Variants in CTNNA3 observed in about 807,000 individuals in gnomAD.
The protein encoded by CTNNA3 is catenin alpha-3.
Under a neutral mutation model 95.7 loss-of-function variants are expected in CTNNA3, and 76 were observed. The ratio of observed to expected loss-of-function variants is 0.79; its 90% CI spans 0.66 to 0.96. CTNNA3 has a LOEUF of 0.96. Ranked by LOEUF, CTNNA3 falls within the 40% of genes least tolerant of loss-of-function variation. CTNNA3 has a pLI of 0.00. For missense variants in CTNNA3, 1,191 were observed against 1,089.8 expected (o/e 1.09, Z -1.31); for synonymous variants, 431 against 374.4 (o/e 1.15, Z -1.74).
chr10:67,264,758 G>A (rs922609096), intron 5 of CTNNA3, among the ~76,000 whole-genome samples: 6 of 152,016 alleles, frequency 3.9e-5, no homozygotes, highest in African/African-American at 9.7e-5. Context: ...TTCACCCTCC[G>A]AAAAATTGAC....
intron 3 of CTNNA3, among the ~76,000 whole-genome samples, chr10:67,595,258 G>T (rs1842905213): frequency 1.3e-5 from 2 of 152,034 alleles, no homozygotes; most frequent in South Asian, 4.1e-4. Flanking sequence ...CTGCCTTTTT[G>T]ATGTGGGCAT....
At chr10:67,487,730 G>A (rs1465946776) in intron 5 of CTNNA3, among the ~76,000 whole-genome samples, 1 of 152,148 alleles carries the variant, frequency 6.6e-6, no homozygotes, top group Non-Finnish European at 1.5e-5. Context: ...CCAGCAGGTT[G>A]TCCCATTCCT....
At chr10:67,591,425 T>C (rs887937654) in intron 3 of CTNNA3, among the ~76,000 whole-genome samples, 2 of 152,056 alleles carry the variant, frequency 1.3e-5, no homozygotes, top group African/African-American at 2.4e-5. Context: ...AAATTAGATA[T>C]GGATATTAAG....
intron 2 of CTNNA3, among the ~76,000 whole-genome samples, chr10:67,621,830 A>C (rs1483002278): frequency 6.6e-6 from 1 of 152,088 alleles, no homozygotes; most frequent in African/African-American, 2.4e-5. Flanking sequence ...ACCATTTTAC[A>C]TCGTAGGAGC....
At chr10:67,135,398 G>A (rs1294054915) in intron 7 of CTNNA3, among the ~76,000 whole-genome samples, 2 of 152,166 alleles carry the variant, frequency 1.3e-5, no homozygotes, top group Non-Finnish European at 1.5e-5. Context: ...ATACAGGTAA[G>A]TCACAATGGC....
intron 13 of CTNNA3, among the ~76,000 whole-genome samples, chr10:66,109,866 CAA>C (rs201092050): frequency 1.4e-5 from 2 of 140,788 alleles, no homozygotes; most frequent in African/African-American, 2.5e-5. Flanking sequence ...ACTTAAAGTA[CAA>C]AAAAAAAAAA....
At chr10:67,230,793 C>G (rs75093391) in intron 5 of CTNNA3, among the ~76,000 whole-genome samples, 3 of 152,190 alleles carry the variant, frequency 2.0e-5, no homozygotes, top group East Asian at 1.9e-4. Context: ...ATACCAGACA[C>G]TGGGCGCAGG....
chr10:66,040,672 TGAG>T (rs969008487), intron 15 of CTNNA3, among the ~76,000 whole-genome samples: 3 of 152,014 alleles, frequency 2.0e-5, no homozygotes, highest in African/African-American at 4.8e-5. Flanking sequence ...GGAAGTTAAA[TGAG>T]GAGAACACAT....
At chr10:67,559,731 A>C (rs1447494398) in intron 3 of CTNNA3, among the ~76,000 whole-genome samples, 5 of 152,170 alleles carry the variant, frequency 3.3e-5, no homozygotes, top group African/African-American at 9.7e-5. Flanking sequence ...AGAAGTTAAA[A>C]ACTTTGAAAA....
intron 7 of CTNNA3, among the ~76,000 whole-genome samples, chr10:67,048,155 T>C (rs1854865126): frequency 6.6e-6 from 1 of 152,124 alleles, no homozygotes; most frequent in Non-Finnish European, 1.5e-5. Context: ...CTACCTCTGT[T>C]CATCCCCTGC....
chr10:66,946,147 T>C (rs1848263439), intron 7 of CTNNA3, among the ~76,000 whole-genome samples: 1 of 152,150 alleles, frequency 6.6e-6, no homozygotes, highest in African/African-American at 2.4e-5. Context: ...AATCATAATA[T>C]CTGCAAAGTG....
At chr10:66,408,719 T>A (rs573831941) in intron 11 of CTNNA3, among the ~76,000 whole-genome samples, 2 of 152,298 alleles carry the variant, frequency 1.3e-5, no homozygotes, top group African/African-American at 4.8e-5. Context: ...ATTAAAGAAA[T>A]TCACACTAAA....
At chr10:67,365,530 A>G (rs904459729) in intron 5 of CTNNA3, among the ~76,000 whole-genome samples, 2 of 152,178 alleles carry the variant, frequency 1.3e-5, no homozygotes, top group African/African-American at 4.8e-5. Flanking sequence ...AATTTACAAG[A>G]AAAAAACAAA....
At chr10:67,245,784 A>C (rs558125110) in intron 5 of CTNNA3, among the ~76,000 whole-genome samples, 4 of 148,808 alleles carry the variant, frequency 2.7e-5, no homozygotes, top group African/African-American at 4.9e-5. Context: ...GAACCTGGGA[A>C]GTGGAGGTTG....
chr10:65,968,875 T>C (rs1285591150), intron 16 of CTNNA3, among the ~76,000 whole-genome samples: 2 of 152,168 alleles, frequency 1.3e-5, no homozygotes, highest in African/African-American at 4.8e-5. Context: ...TGGATTATGC[T>C]TCAGCACCGG....
At chr10:66,144,178 T>C (rs193152429) in intron 13 of CTNNA3, among the ~76,000 whole-genome samples, 6 of 152,318 alleles carry the variant, frequency 3.9e-5, no homozygotes, top group African/African-American at 1.4e-4. Flanking sequence ...AGTTTGGGCA[T>C]AGAATTGAGA....
chr10:67,609,661 G>A (rs1451605565), intron 2 of CTNNA3, among the ~76,000 whole-genome samples: 1 of 152,112 alleles, frequency 6.6e-6, no homozygotes, highest in Non-Finnish European at 1.5e-5. Context: ...CTACAAGACT[G>A]GGGAAGGTCA....
intron 5 of CTNNA3, among the ~76,000 whole-genome samples, chr10:67,389,635 C>T (rs1332007811): frequency 6.9e-6 from 1 of 144,418 alleles, no homozygotes; most frequent in South Asian, 2.3e-4. Flanking sequence ...CACACCTATT[C>T]CAAAATTGAC....
At chr10:66,842,706 CTAAGTA>C (rs1843108051) in intron 7 of CTNNA3, among the ~76,000 whole-genome samples, 1 of 152,076 alleles carries the variant, frequency 6.6e-6, no homozygotes, top group African/African-American at 2.4e-5. Flanking sequence ...TGATTTTATT[CTAAGTA>C]TAATTTTTGC....
Sources: allele counts gnomAD v4.1 joint callset (sites outside exome capture counted in the v4.1 genomes callset), GRCh38; gene constraint gnomAD v4.1.1; transcripts MANE v1.5; gene names NCBI Gene and HGNC (gene_info 2026-07-23, HGNC 2026-07-21).